Variants in CDH4 observed in about 807,000 individuals in gnomAD.
The protein encoded by CDH4 is cadherin 4.
CDH4 carries 33 observed loss-of-function variants against 86.0 expected under a neutral mutation model. That is an observed-to-expected ratio of 0.38 (90% CI 0.29 to 0.51). The LOEUF (loss-of-function observed/expected upper bound fraction) is 0.51. CDH4 is among the 20% of genes least tolerant of loss of function. CDH4 has a pLI of 0.86. For missense variants in CDH4, 1,114 were observed against 1,307.4 expected (o/e 0.85, Z 2.28); for synonymous variants, 555 against 549.4 (o/e 1.01, Z -0.14).
chr20:61,463,783 A>T (rs1033981518), intron 2 of CDH4, among the ~76,000 whole-genome samples: 2 of 152,218 alleles, frequency 1.3e-5, no homozygotes, highest in Non-Finnish European at 2.9e-5. Context: ...CTGAAACAAA[A>T]GGCGGGAGGG....
chr20:61,388,972 T>C (rs1259991686), intron 2 of CDH4, among the ~76,000 whole-genome samples: 1 of 152,240 alleles, frequency 6.6e-6, no homozygotes, highest in Non-Finnish European at 1.5e-5. Flanking sequence ...ACATTTGAAT[T>C]TTTCTCTCCT....
intron 2 of CDH4, among the ~76,000 whole-genome samples, chr20:61,473,438 C>G (rs1010387875): frequency 2.0e-5 from 3 of 152,132 alleles, no homozygotes; most frequent in African/African-American, 7.2e-5. Context: ...AGAGAGCTTA[C>G]GAGCCCCTCC....
chr20:61,735,611 G>A lies in CDH4; in HGVS notation c.170-7952G>A, dbSNP rs538219123. 2.0e-3 allele frequency among the ~76,000 whole-genome samples: 303 copies of A among 152,312 alleles called. 2 individuals are homozygous for A. Among genetic ancestry groups the A allele is most frequent in the African/African-American group, 6.1e-3 (252 of 41,582 alleles). On this transcript the variant is annotated intron_variant, in intron 2 of 15. Coordinates refer to ENST00000614565, the MANE Select transcript of CDH4 (RefSeq NM_001794.5). ...CGGCCAGCGCCTTCGGGGCCACTGC[G>A]GGGACTGAGGCCACATCTGCCCCCT...
intron 2 of CDH4, among the ~76,000 whole-genome samples, chr20:61,316,103 C>T (rs542532507): frequency 1.5e-4 from 23 of 152,262 alleles, no homozygotes; most frequent in Admixed American, 5.2e-4. Flanking sequence ...TCCTAATTCA[C>T]GTCCTCCTCT....
At chr20:61,746,624 G>A (rs770154073) in intron 3 of CDH4, among the ~76,000 whole-genome samples, 5 of 152,252 alleles carry the variant, frequency 3.3e-5, no homozygotes, top group Non-Finnish European at 5.9e-5. Context: ...AGGCTTCTGC[G>A]ACTTACTGGC....
In CDH4 at chr20:61,708,186, C is replaced by T. The variant is rs2087852428; in HGVS notation, c.170-35377C>T. The stretch of plus-strand genomic sequence containing the variant: ...CGGGAGGAAAACCTAGGAAGAAGGG[C>T]TGGTGCTGCCCGCAAGTGCCTGGAC... On this transcript the variant is annotated intron_variant, in intron 2 of 15. Transcript: ENST00000614565. This position sits in a 1 kb window ranked among gnomAD's most constrained non-coding sequence, Gnocchi z 4.5. Among the ~76,000 whole-genome samples, 1 of 152,130 alleles carries T rather than the reference C, an allele frequency of 6.6e-6. No homozygotes were observed. Among genetic ancestry groups the T allele is most frequent in the South Asian group, 2.1e-4 (1 of 4,832 alleles).
intron 2 of CDH4, among the ~76,000 whole-genome samples, chr20:61,297,744 T>C (rs530350163): frequency 6.6e-6 from 1 of 152,388 alleles, no homozygotes; most frequent in African/African-American, 2.4e-5. Context: ...GCGTGTATGA[T>C]AGAGACATTA....
intron 2 of CDH4, among the ~76,000 whole-genome samples, chr20:61,448,641 T>G (rs2085364862): frequency 6.6e-6 from 1 of 152,202 alleles, no homozygotes. Context: ...TTGTATTGCA[T>G]TATCACCATT....
At chr20:61,745,853 C>T (rs1412134414) in intron 3 of CDH4, among the ~76,000 whole-genome samples, 4 of 152,226 alleles carry the variant, frequency 2.6e-5, no homozygotes, top group Admixed American at 2.0e-4. Context: ...GATAAAGGCT[C>T]TAATTGAAAA....
At chr20:61,587,258 G>A (rs531965002) in intron 2 of CDH4, among the ~76,000 whole-genome samples, 6 of 152,206 alleles carry the variant, frequency 3.9e-5, no homozygotes, top group African/African-American at 7.2e-5. Context: ...GGGGGCCACT[G>A]AGTGACTGGA....
At chr20:61,534,439 C>A (rs1230590353) in intron 2 of CDH4, among the ~76,000 whole-genome samples, 2 of 152,122 alleles carry the variant, frequency 1.3e-5, no homozygotes, top group African/African-American at 4.8e-5. Flanking sequence ...ATATTTAATA[C>A]ACTTTTTTAA....
At chr20:61,363,404 C>T (rs1399959946) in intron 2 of CDH4, among the ~76,000 whole-genome samples, 1 of 151,872 alleles carries the variant, frequency 6.6e-6, no homozygotes, top group Non-Finnish European at 1.5e-5. Context: ...ATAAAAGAAT[C>T]TAAATATCTC....
intron 2 of CDH4, among the ~76,000 whole-genome samples, chr20:61,553,083 G>T (rs1441413964): frequency 6.6e-6 from 1 of 152,198 alleles, no homozygotes; most frequent in Non-Finnish European, 1.5e-5. Flanking sequence ...GTGGCATCCA[G>T]ACAGTGGAAT....
intron 2 of CDH4, among the ~76,000 whole-genome samples, chr20:61,293,168 C>G (rs1481767467): frequency 6.6e-6 from 1 of 152,214 alleles, no homozygotes; most frequent in Admixed American, 6.5e-5. Flanking sequence ...TTTGCTCCTT[C>G]TAGCTGTCCC....
chr20:61,556,649 G>A (rs1184989553), intron 2 of CDH4, among the ~76,000 whole-genome samples: 1 of 152,164 alleles, frequency 6.6e-6, no homozygotes, highest in Non-Finnish European at 1.5e-5. Flanking sequence ...CATGCAGTCT[G>A]CAACTTATGC....
chr20:61,760,335 C>T (rs904792237), intron 3 of CDH4, among the ~76,000 whole-genome samples: 1 of 152,260 alleles, frequency 6.6e-6, no homozygotes, highest in Non-Finnish European at 1.5e-5. Context: ...CAGCCCAGGC[C>T]CTCAGAAGTC....
intron 2 of CDH4, among the ~76,000 whole-genome samples, chr20:61,666,018 C>A (rs922311727): frequency 2.6e-4 from 40 of 152,146 alleles, no homozygotes; most frequent in African/African-American, 9.2e-4. Context: ...CAAACGCTGA[C>A]CCTGGCCATC....
chr20:61,530,014 TTTTGTTTG>T (rs370583052), intron 2 of CDH4, among the ~76,000 whole-genome samples: 3 of 151,874 alleles, frequency 2.0e-5, no homozygotes, highest in East Asian at 1.9e-4. Context: ...ATTTATTTGT[TTTTGTTTG>T]TTTGTTTGTT....
At chr20:61,361,647 TC>T (rs2084783589) in intron 2 of CDH4, among the ~76,000 whole-genome samples, 3 of 152,112 alleles carry the variant, frequency 2.0e-5, no homozygotes, top group Admixed American at 1.3e-4. Flanking sequence ...TGAACAGACA[TC>T]CGCTGAGCAG....
Sources: gnomAD v4.1 joint callset for allele counts (sites outside exome capture counted in the v4.1 genomes callset) on GRCh38, gnomAD v4.1.1 for gene constraint, Gnocchi (gnomAD v3.1) non-coding constraint, MANE v1.5 for transcripts, NCBI Gene and HGNC (gene_info 2026-07-23, HGNC 2026-07-21) for gene names.